Variants in GLIS3 observed in about 807,000 individuals in gnomAD.
The protein encoded by GLIS3 is GLIS family zinc finger 3.
Under a neutral mutation model 78.6 loss-of-function variants are expected in GLIS3, and 53 were observed. The observed-to-expected ratio is 0.67, with a 90% CI of 0.54 to 0.85. The LOEUF is 0.85. GLIS3 is among the 40% of genes least tolerant of loss of function. GLIS3 has a pLI of 0.00. For synonymous variants in GLIS3, 684 were observed against 509.9 expected (o/e 1.34, Z -4.60); for missense variants, 1,703 against 1,231.1 (o/e 1.38, Z -5.74).
At chr9:4,335,427 A>G (rs1223733856) in intron 2 of GLIS3, among the ~76,000 whole-genome samples, 1 of 152,206 alleles carries the variant, frequency 6.6e-6, no homozygotes, top group African/African-American at 2.4e-5. Context: ...AGATATAGCA[A>G]ATAAAAAGAT....
intron 4 of GLIS3, among the ~76,000 whole-genome samples, chr9:3,947,379 T>C (rs577005972): frequency 6.6e-6 from 1 of 152,362 alleles, no homozygotes; most frequent in African/African-American, 2.4e-5. Context: ...ACAGAATGTA[T>C]GCTAACATAC....
chr9:4,043,576 A>G (rs954628922), intron 4 of GLIS3, among the ~76,000 whole-genome samples: 10 of 152,076 alleles, frequency 6.6e-5, no homozygotes, highest in African/African-American at 2.4e-4. Flanking sequence ...GTTTTGTCTC[A>G]ATGACTCAGT....
chr9:4,451,422 C>G, the GLIS3 span, among the ~76,000 whole-genome samples: 337 of 152,230 alleles, frequency 2.2e-3, 1 homozygote, highest in African/African-American at 7.9e-3. Context: ...ACCCCACTGT[C>G]AATATTAGAC....
intron 2 of GLIS3, among the ~76,000 whole-genome samples, chr9:4,279,806 T>C (rs1197748408): frequency 6.6e-6 from 1 of 151,824 alleles, no homozygotes; most frequent in Non-Finnish European, 1.5e-5. Context: ...CTTAGGTTTA[T>C]CCCTGAGAAT....
intron 6 of GLIS3, among the ~76,000 whole-genome samples, chr9:3,900,492 C>T (rs201880486): frequency 2.9e-5 from 4 of 136,834 alleles, no homozygotes; most frequent in African/African-American, 8.0e-5. Flanking sequence ...GTACCCCCCC[C>T]AAAATATACA....
At chr9:4,229,250 C>T (rs1303254424) in intron 2 of GLIS3, among the ~76,000 whole-genome samples, 3 of 152,186 alleles carry the variant, frequency 2.0e-5, no homozygotes, top group African/African-American at 2.4e-5. Flanking sequence ...TCGCTGAAAT[C>T]GCTTTCACTT....
chr9:4,462,917 T>C, the GLIS3 span, among the ~76,000 whole-genome samples: 2 of 152,148 alleles, frequency 1.3e-5, no homozygotes, highest in African/African-American at 4.8e-5. Context: ...GCACTTAAAG[T>C]GATGGGAAAC....
chr9:4,098,972 G>A (rs1048486205), intron 4 of GLIS3, among the ~76,000 whole-genome samples: 1 of 152,140 alleles, frequency 6.6e-6, no homozygotes, highest in Admixed American at 6.5e-5. Flanking sequence ...TAAGTCTGAA[G>A]CCCTGACACA....
chr9:4,427,160 TG>T, the GLIS3 span, among the ~76,000 whole-genome samples: 2 of 152,196 alleles, frequency 1.3e-5, no homozygotes, highest in African/African-American at 4.8e-5. Context: ...TGAGAGGCGA[TG>T]GAACAGTAAG....
chr9:4,308,600 G>A (rs944505556), intron 4 of GLIS3, among the ~76,000 whole-genome samples: 2 of 152,060 alleles, frequency 1.3e-5, no homozygotes, highest in Admixed American at 1.3e-4. Context: ...TCAGTGCTGG[G>A]TTCTCCTTAG....
At chr9:4,393,558 T>C in the GLIS3 span, among the ~76,000 whole-genome samples, 1 of 152,208 alleles carries the variant, frequency 6.6e-6, no homozygotes, top group Admixed American at 6.5e-5. Flanking sequence ...TCATGTTTTG[T>C]TAGTCCCCTT....
At chr9:4,191,474 A>G (rs1393021124) in intron 2 of GLIS3, among the ~76,000 whole-genome samples, 1 of 152,242 alleles carries the variant, frequency 6.6e-6, no homozygotes, top group African/African-American at 2.4e-5. Flanking sequence ...ACTTGTCTAC[A>G]TTAAACATTT....
chr9:4,168,784 A>G (rs1816107881), intron 2 of GLIS3, among the ~76,000 whole-genome samples: 1 of 152,206 alleles, frequency 6.6e-6, no homozygotes, highest in Admixed American at 6.5e-5. Flanking sequence ...TGAAGGCCAC[A>G]TTGGGATGCC....
chr9:4,107,995 T>C (rs1218224989), intron 4 of GLIS3, among the ~76,000 whole-genome samples: 1 of 152,138 alleles, frequency 6.6e-6, no homozygotes, highest in Non-Finnish European at 1.5e-5. Flanking sequence ...CTACAGTATG[T>C]TAATCGTTGA....
the GLIS3 span, among the ~76,000 whole-genome samples, chr9:4,410,306 G>C: frequency 6.7e-4 from 102 of 152,186 alleles, no homozygotes; most frequent in African/African-American, 2.2e-3. Flanking sequence ...ATTAGGGTTT[G>C]CATATTAAGA....
At chr9:4,030,182 T>G (rs187820910) in intron 4 of GLIS3, among the ~76,000 whole-genome samples, 2 of 152,344 alleles carry the variant, frequency 1.3e-5, no homozygotes, top group Non-Finnish European at 2.9e-5. Context: ...TTGATTTGCA[T>G]TTCTCTGCTG....
the GLIS3 span, among the ~76,000 whole-genome samples, chr9:4,376,393 T>C: frequency 1.3e-5 from 2 of 152,206 alleles, no homozygotes; most frequent in Admixed American, 1.3e-4. Flanking sequence ...TGGAAGACAT[T>C]ATTCAGTTTA....
intron 1 of GLIS3, among the ~76,000 whole-genome samples, chr9:4,298,928 GACA>G (rs1463643147): frequency 1.3e-5 from 2 of 152,158 alleles, no homozygotes; most frequent in East Asian, 3.9e-4. Flanking sequence ...AACTTGAAAA[GACA>G]ACTACAGCCC....
chr9:4,351,341 G>C (rs1002546285), upstream of GLIS3, among the ~76,000 whole-genome samples: 1 of 146,886 alleles, frequency 6.8e-6, no homozygotes, highest in African/African-American at 2.5e-5. Context: ...GGAGGTTGAA[G>C]CTTCAGTGAA....
Sources: gnomAD v4.1 joint callset for allele counts (sites outside exome capture counted in the v4.1 genomes callset) on GRCh38, gnomAD v4.1.1 for gene constraint, MANE v1.5 for transcripts, NCBI Gene and HGNC (gene_info 2026-07-23, HGNC 2026-07-21) for gene names.